NOC3L: variants seen among roughly 807,000 people sequenced by gnomAD.
NOC3L encodes nucleolar complex protein 3 homolog.
Under a neutral mutation model 102.5 loss-of-function variants are expected in NOC3L, and 85 were observed. The ratio of observed to expected loss-of-function variants is 0.83; its 90% CI spans 0.70 to 0.99. NOC3L has a LOEUF of 0.99. NOC3L is among the 50% of genes least tolerant of loss of function. The pLI is 0.00. For synonymous variants in NOC3L, 303 were observed against 309.4 expected (o/e 0.98, Z 0.22); for missense variants, 878 against 914.9 (o/e 0.96, Z 0.52).
In NOC3L at chr10:94,357,266, C is replaced by G. The variant is rs2134010951; in HGVS notation, c.416G>C (p.Arg139Thr). 6.2e-7 allele frequency: 1 copy of G among 1,608,414 alleles called. No homozygotes were observed. The highest frequency in any genetic ancestry group is 8.5e-7 in the Non-Finnish European group (1 of 1,177,210). The change falls in exon 4 of 21, where the codon AGA becomes ACA. Residue 139 changes from arginine (R) to threonine (T), a missense_variant. Coordinates refer to ENST00000371361, the MANE Select transcript of NOC3L (RefSeq NM_022451.11). ...RIIDKYEKIP[R>T]TLQTAPEKEL... ...CTTCTCTGGTGCAGTTTGCAGAGTT[C>G]TTGGTATTTTTTCATATTTATCTAT...
downstream of NOC3L, chr10:94,329,274 G>A (rs2054128424): frequency 6.6e-6 from 1 of 152,124 alleles, no homozygotes; most frequent in South Asian, 2.1e-4. Flanking sequence ...TTAGTATGAA[G>A]CAAATTATGA....
chr10:94,340,802 A>C (rs1040453947), intron 14 of NOC3L, among the ~76,000 whole-genome samples: 2 of 151,994 alleles, frequency 1.3e-5, no homozygotes, highest in African/African-American at 2.4e-5. Flanking sequence ...TAACACGGTG[A>C]AACCCTGTCT....
chr10:94,315,816 G>A, the NOC3L span, among the ~76,000 whole-genome samples: 2 of 149,026 alleles, frequency 1.3e-5, no homozygotes, highest in African/African-American at 4.9e-5. Context: ...CATCTTTATT[G>A]AGTTCACCTA....
Position 94,362,920 on chromosome 10 carries a change from G to A in NOC3L, c.-82C>T. The A allele has an allele frequency of 6.2e-6, 10 of 1,607,888 alleles. No homozygotes were observed. Among genetic ancestry groups the A allele is most frequent in the Non-Finnish European group, 8.5e-6 (10 of 1,174,876 alleles). The stretch of plus-strand genomic sequence containing the variant: ...AGAAATCCCGGGGAATGACACACGT[G>A]CCGAAGTCCCTACACTACCAGAGCC... On this transcript the variant is annotated 5_prime_UTR_variant, in exon 1 of 21. Coordinates refer to ENST00000371361, the MANE Select transcript of NOC3L (RefSeq NM_022451.11).
intron 17 of NOC3L, among the ~76,000 whole-genome samples, chr10:94,339,352 A>AAC: frequency 7.5e-6 from 1 of 132,926 alleles, no homozygotes; most frequent in African/African-American, 3.0e-5. Flanking sequence ...ACCTTACATA[A>AAC]AGAGAGTAGT....
At chr10:94,340,072 C>G in intron 16 of NOC3L, 152 bp from the exon 17 acceptor site, 5 of 762,642 alleles carry the variant, frequency 6.6e-6, no homozygotes, top group South Asian at 3.7e-5. Flanking sequence ...TAAGGAGATA[C>G]AGCGGGCTAT....
chr10:94,351,754 C>T (rs1461612070), intron 8 of NOC3L, among the ~76,000 whole-genome samples: 1 of 151,394 alleles, frequency 6.6e-6, no homozygotes, highest in African/African-American at 2.4e-5. Flanking sequence ...TCTCAAACTC[C>T]TAGCTTCGAG....
At chr10:94,353,251 G>C (rs1258653269) in intron 6 of NOC3L, among the ~76,000 whole-genome samples, 194 bp from the exon 7 acceptor site, 1 of 152,190 alleles carries the variant, frequency 6.6e-6, no homozygotes, top group Non-Finnish European at 1.5e-5. Flanking sequence ...AATTGTATTA[G>C]TCCGTTCTTG....
intron 8 of NOC3L, among the ~76,000 whole-genome samples, chr10:94,350,964 A>G (rs1445252228): frequency 1.3e-5 from 2 of 152,108 alleles, no homozygotes; most frequent in Non-Finnish European, 2.9e-5. Flanking sequence ...AATTTATTAC[A>G]TGTTGAAATG....
chr10:94,320,923 T>C, the NOC3L span, among the ~76,000 whole-genome samples: 778 of 152,288 alleles, frequency 5.1e-3, 8 homozygotes, highest in African/African-American at 0.018. Context: ...TTGTGGCGAA[T>C]AAGGTGGGAG....
At chr10:94,327,155 C>T in the NOC3L span, among the ~76,000 whole-genome samples, 2 of 152,054 alleles carry the variant, frequency 1.3e-5, no homozygotes, top group African/African-American at 2.4e-5. Context: ...AGCGAGACTC[C>T]GTCTCAAAAC....
At chr10:94,360,085 A>T (rs2054535075) in intron 2 of NOC3L, among the ~76,000 whole-genome samples, 1 of 152,194 alleles carries the variant, frequency 6.6e-6, no homozygotes, top group Non-Finnish European at 1.5e-5. Context: ...TGGGAGGCCA[A>T]GGCGGGCAGA....
chr10:94,352,255 A>G (rs2054427962), intron 8 of NOC3L, 55 bp downstream of exon 8: 2 of 1,196,550 alleles, frequency 1.7e-6, no homozygotes, highest in Non-Finnish European at 2.5e-6. Context: ...TACAGAATTC[A>G]CCTTCATGAT....
At chr10:94,348,432 C>A (rs2133998365) in intron 10 of NOC3L, among the ~76,000 whole-genome samples, 1 of 152,002 alleles carries the variant, frequency 6.6e-6, no homozygotes, top group South Asian at 2.1e-4. Context: ...AATGCAAGCT[C>A]CACAAACAGA....
intron 16 of NOC3L, 148 bp from the exon 17 acceptor site, chr10:94,340,068 G>T: frequency 1.3e-6 from 1 of 765,210 alleles, no homozygotes; most frequent in Non-Finnish European, 2.1e-6. Context: ...CTGCTAAGGA[G>T]ATACAGCGGG....
At chr10:94,358,577 C>T (rs75056474) in intron 2 of NOC3L, among the ~76,000 whole-genome samples, 2 of 152,222 alleles carry the variant, frequency 1.3e-5, no homozygotes, top group Admixed American at 6.5e-5. Context: ...CCTTTCAGGA[C>T]GTTTGGAAAC....
At chr10:94,324,305 G>T in the NOC3L span, 2 of 1,466,176 alleles carry the variant, frequency 1.4e-6, no homozygotes, top group South Asian at 1.1e-5. Context: ...GCAAATGTTG[G>T]AGATTCTGTG....
intron 2 of NOC3L, 69 bp from the exon 3 acceptor site, chr10:94,358,284 T>A: frequency 1.1e-6 from 1 of 884,884 alleles, no homozygotes; most frequent in Non-Finnish European, 1.8e-6. Context: ...ACTCTCTGCA[T>A]TTTGGGTTTA....
In NOC3L at chr10:94,349,268, A is replaced by G; in HGVS notation, c.1239T>C (p.Asn413=). ...KVISGFVKGR[N]YEVRPEMLKT... is the part of the protein sequence containing the mutation. ...GGCTCACCTCTGGCCTAACTTCGTA[A>G]TTTCTGCCCTTCACAAAACCAGAAA... The change falls in exon 10 of 21, where the codon AAT becomes AAC. Residue 413 remains asparagine, a synonymous_variant. Coordinates refer to ENST00000371361, the MANE Select transcript of NOC3L (RefSeq NM_022451.11). 1 of 1,572,978 alleles carries G rather than the reference A, an allele frequency of 6.4e-7. No homozygotes were observed. Among genetic ancestry groups the G allele is most frequent in the Non-Finnish European group, 8.6e-7 (1 of 1,167,850 alleles).
Sources: allele counts gnomAD v4.1 joint callset (sites outside exome capture counted in the v4.1 genomes callset), GRCh38; gene constraint gnomAD v4.1.1; transcripts MANE v1.5; gene names NCBI Gene and HGNC (gene_info 2026-07-23, HGNC 2026-07-21).